Variants in CTNNA2 observed in about 807,000 individuals in gnomAD.
The protein encoded by CTNNA2 is catenin alpha-2.
Under a neutral mutation model 101.0 loss-of-function variants are expected in CTNNA2, and 42 were observed. The ratio of observed to expected loss-of-function variants is 0.42; its 90% confidence interval spans 0.32 to 0.54. The LOEUF (loss-of-function observed/expected upper bound fraction) is 0.54, where lower values mean the gene tolerates loss of function less well. Among genes scored for constraint, CTNNA2 ranks in the 20% least tolerant of loss-of-function variants. The pLI is 0.14. For missense variants in CTNNA2, 871 were observed against 1,223.1 expected, an observed-to-expected ratio of 0.71 and a Z score of 4.29; for synonymous variants, 450 against 456.4, an observed-to-expected ratio of 0.99 and a Z score of 0.18.
chr2:80,427,403 G>T (rs1363627143), intron 9 of CTNNA2, among the ~76,000 whole-genome samples: 1 of 152,184 alleles, frequency 6.6e-6, no homozygotes, highest in African/African-American at 2.4e-5. Context: ...TCTCTCAAGA[G>T]GCTCCCAAAG....
chr2:79,639,045 A>C (rs909047658), intron 1 of CTNNA2, among the ~76,000 whole-genome samples: 1 of 152,124 alleles, frequency 6.6e-6, no homozygotes. Context: ...CAAACTACTT[A>C]ATATGGCTCC....
intron 7 of CTNNA2, among the ~76,000 whole-genome samples, chr2:79,929,416 A>G (rs1042266933): frequency 6.6e-6 from 1 of 152,224 alleles, no homozygotes; most frequent in African/African-American, 2.4e-5. Context: ...ACAGGGAAAT[A>G]TTTAGGCTCA....
intron 7 of CTNNA2, among the ~76,000 whole-genome samples, chr2:80,156,387 C>G (rs1296409636): frequency 1.3e-5 from 2 of 152,160 alleles, no homozygotes; most frequent in Non-Finnish European, 2.9e-5. Context: ...GCAAGTAGCT[C>G]TCTTAAAATT....
At chr2:80,480,904 A>T (rs929644803) in intron 9 of CTNNA2, among the ~76,000 whole-genome samples, 1 of 151,922 alleles carries the variant, frequency 6.6e-6, no homozygotes, top group African/African-American at 2.4e-5. Flanking sequence ...TAAATAAATG[A>T]CTCCTAGGAA....
rs1697781580 is a variant in CTNNA2 at position 80,604,008 on chromosome 2, T to C, written c.2190-66T>C. On this transcript the variant is annotated intron_variant, in intron 15 of 18. Coordinates refer to ENST00000402739, the MANE Select transcript of CTNNA2 (RefSeq NM_001282597.3). ...CAACACTAGACTCCTGGACAAAGGATATGGTAGGTTGGTCTCTTTCCCGTC... is the reference window on the plus strand; with the variant it reads ...CAACACTAGACTCCTGGACAAAGGACATGGTAGGTTGGTCTCTTTCCCGTC... 3 of 1,330,100 alleles carry C rather than the reference T, an allele frequency of 2.3e-6. No individual in the cohort carries two copies. The African/African-American group carries it at 4.4e-5, about 19-fold the overall frequency. The allele number at this position is 1,330,100 out of a possible 1,614,324, so 82.4% of individuals were successfully genotyped here.
intron 2 of CTNNA2, among the ~76,000 whole-genome samples, chr2:79,672,125 T>G (rs1043315818): frequency 1.3e-5 from 2 of 152,222 alleles, no homozygotes; most frequent in Non-Finnish European, 2.9e-5. Flanking sequence ...AAAAATATGT[T>G]TTTCAACTTG....
In CTNNA2 at chr2:80,162,845, A is replaced by G. The variant is rs572544937; in HGVS notation, c.1057-230366A>G. 51 of 1,595,774 alleles carry G rather than the reference A, an allele frequency of 3.2e-5. No homozygotes were observed. The African/African-American group carries it at 5.2e-4, about 16-fold the overall frequency. On this transcript the variant is annotated intron_variant, in intron 7 of 18. Coordinates refer to ENST00000402739, the MANE Select transcript of CTNNA2 (RefSeq NM_001282597.3). ...TCTGAAAATTTTCTGGAGAAGAGAA[A>G]GATCTCTGAATTATCTGTGCTGATG...
At position 79,855,292 on chromosome 2, in the gene CTNNA2, G is replaced by A. The variant is rs192107261; in HGVS notation, c.299-2721G>A. On this transcript the variant is annotated intron_variant, in intron 3 of 18. Coordinates refer to ENST00000402739, the MANE Select transcript of CTNNA2 (RefSeq NM_001282597.3). ...CTGAGCCACTCTTGGGGTGCCTGCC[G>A]TGGGCCCCAGGTTGATTAGCTCCAC... Among the ~76,000 whole-genome samples the A allele has an allele frequency of 6.6e-5, 10 of 152,072 alleles. No homozygotes were observed. In the East Asian group the frequency reaches 7.8e-4, roughly 12 times the overall value.
At chr2:79,631,901 CTT>C (rs948513699) in intron 1 of CTNNA2, among the ~76,000 whole-genome samples, 1 of 152,116 alleles carries the variant, frequency 6.6e-6, no homozygotes, top group African/African-American at 2.4e-5. Flanking sequence ...TGAATTATGA[CTT>C]TTTGGACTTA....
chr2:79,405,523 A>G (rs1348756265), intron 4 of CTNNA2, among the ~76,000 whole-genome samples: 1 of 151,850 alleles, frequency 6.6e-6, no homozygotes, highest in Non-Finnish European at 1.5e-5. Flanking sequence ...ACATGGTTTC[A>G]TCATGTTGAC....
At position 80,192,230 on chromosome 2, in the gene CTNNA2, CA is replaced by C. The variant is rs150835247; in HGVS notation, c.1057-200979del. Among the ~76,000 whole-genome samples the C allele has an allele frequency of 2.4e-3, 368 of 152,224 alleles. 3 individuals are homozygous for C. Among genetic ancestry groups the C allele is most frequent in the African/African-American group, 8.6e-3 (358 of 41,538 alleles). ...ATAGATAGGTAGAAGAAATGTTAAACAACTATCAAATGTAATCTAACTACGT... is the reference window on the plus strand; with the variant it reads ...ATAGATAGGTAGAAGAAATGTTAAACACTATCAAATGTAATCTAACTACGT... On this transcript the variant is annotated intron_variant, in intron 7 of 18. Coordinates refer to ENST00000402739, the MANE Select transcript of CTNNA2 (RefSeq NM_001282597.3).
chr2:80,537,552 C>T (rs13401479), intron 9 of CTNNA2, among the ~76,000 whole-genome samples: 67,717 of 151,778 alleles, frequency 0.45, 15,349 homozygotes, highest in South Asian at 0.57. Flanking sequence ...AGTGTAAAAG[C>T]GTTCCTTTTC....
chr2:79,980,618 A>C (rs1346927108), intron 7 of CTNNA2, among the ~76,000 whole-genome samples: 1 of 152,180 alleles, frequency 6.6e-6, no homozygotes, highest in East Asian at 1.9e-4. Context: ...AAACATATTT[A>C]AAATCGTTTT....
At chr2:79,793,473 C>G (rs1436000330) in intron 3 of CTNNA2, among the ~76,000 whole-genome samples, 1 of 152,134 alleles carries the variant, frequency 6.6e-6, no homozygotes, top group South Asian at 2.1e-4. Context: ...GCTAAAGGAA[C>G]CTGAATCTTT....
chr2:80,011,329 T>C (rs1693762979), intron 7 of CTNNA2, among the ~76,000 whole-genome samples: 1 of 152,192 alleles, frequency 6.6e-6, no homozygotes, highest in Non-Finnish European at 1.5e-5. Context: ...AGGCAGAATC[T>C]ACGTATATAG....
chr2:80,583,137 A>G (rs963573038), intron 14 of CTNNA2, among the ~76,000 whole-genome samples: 1 of 152,148 alleles, frequency 6.6e-6, no homozygotes, highest in African/African-American at 2.4e-5. Flanking sequence ...TCAGTTTCAG[A>G]CCTCTCTCTA....
intron 2 of CTNNA2, among the ~76,000 whole-genome samples, chr2:79,231,580 T>A (rs1205293135): frequency 6.6e-6 from 1 of 152,220 alleles, no homozygotes; most frequent in Non-Finnish European, 1.5e-5. Flanking sequence ...TTAGAATAGA[T>A]TTCTCTGGTT....
intron 2 of CTNNA2, among the ~76,000 whole-genome samples, chr2:79,662,855 GACT>G (rs1558814380): frequency 1.3e-5 from 2 of 152,094 alleles, no homozygotes; most frequent in Non-Finnish European, 2.9e-5. Flanking sequence ...TGGATATCTT[GACT>G]TTGGTGTCAC....
chr2:80,287,807 G>A (rs1674903476), intron 7 of CTNNA2, among the ~76,000 whole-genome samples: 1 of 152,152 alleles, frequency 6.6e-6, no homozygotes, highest in African/African-American at 2.4e-5. Context: ...ATGACAAAGG[G>A]AAGAGCACAA....
Sources: gnomAD v4.1 joint callset for allele counts (sites outside exome capture counted in the v4.1 genomes callset) on GRCh38, gnomAD v4.1.1 for gene constraint, MANE v1.5 for transcripts, NCBI Gene and HGNC (gene_info 2026-07-23, HGNC 2026-07-21) for gene names.